ZNF79: variants seen among roughly 807,000 people sequenced by gnomAD.
ZNF79 encodes zinc finger protein 79, also known as ZNFpT7.
In ZNF79, 13 loss-of-function variants were observed where a neutral mutation model predicts 14.9. The ratio of observed to expected loss-of-function variants is 0.87; its 90% CI spans 0.57 to 1.38. The LOEUF is 1.38. Among genes scored for constraint, ZNF79 ranks in the 40% most tolerant of loss-of-function variants. The pLI, the probability that ZNF79 is intolerant of heterozygous loss-of-function variation, is 0.00. For missense variants in ZNF79, 631 were observed against 630.6 expected, an observed-to-expected ratio of 1.00 and a Z score of -0.01; for synonymous variants, 223 against 235.1, an observed-to-expected ratio of 0.95 and a Z score of 0.47.
chr9:127,425,484 C>T (rs1189048162), intron 1 of ZNF79, among the ~76,000 whole-genome samples: 1 of 152,230 alleles, frequency 6.6e-6, no homozygotes, highest in East Asian at 1.9e-4. Flanking sequence ...CTCTGCTGTT[C>T]ACCCCTAGAT....
At chr9:127,435,546 G>C (rs1833932735) in intron 3 of ZNF79, among the ~76,000 whole-genome samples, 1 of 152,138 alleles carries the variant, frequency 6.6e-6, no homozygotes, top group African/African-American at 2.4e-5. Context: ...ACCCCTCCTT[G>C]AGGCTGTTTC....
chr9:127,428,581 G>A (rs369187349), intron 1 of ZNF79: 13 of 981,244 alleles, frequency 1.3e-5, no homozygotes, highest in East Asian at 4.8e-5. Context: ...GAGAGGTTAC[G>A]TGATTTGCAC....
At chr9:127,427,010 T>C (rs1588066547) in intron 1 of ZNF79, among the ~76,000 whole-genome samples, 1 of 152,152 alleles carries the variant, frequency 6.6e-6, no homozygotes, top group South Asian at 2.1e-4. Context: ...TGTTCTCTCA[T>C]TGTGGTTTTC....
rs1564240221 is a variant in ZNF79 at position 127,445,059 on chromosome 9, GT to G, written c.1362del (p.Phe454LeufsTer17). On this transcript the variant is annotated frameshift_variant, in exon 5 of 5. Coordinates refer to ENST00000342483, the MANE Select transcript of ZNF79 (RefSeq NM_007135.3). LOFTEE classifies it high-confidence loss of function. ...ATGAGTGTAATGAGTGTGGTAAAGCGTTTAACCAGAGCTCATCCCTTAGTCA... is the reference window on the plus strand; with the variant it reads ...ATGAGTGTAATGAGTGTGGTAAAGCGTTAACCAGAGCTCATCCCTTAGTCA... ...PYECNECGKA[F>X]NQSSSLSQHQ... The G allele has an allele frequency of 6.2e-7, 1 of 1,612,326 alleles. No individual in the cohort carries two copies. Among genetic ancestry groups the G allele is most frequent in the Non-Finnish European group, 8.5e-7 (1 of 1,179,530 alleles).
rs1833920957 is a variant in ZNF79 at position 127,434,989 on chromosome 9, T to C, written c.106-101T>C. The C allele has an allele frequency of 3.6e-6, 5 of 1,403,292 alleles. No homozygotes were observed. In the Admixed American group the frequency reaches 1.2e-4, roughly 34 times the overall value. The allele number at this position is 1,403,292 out of a possible 1,614,324, so 86.9% of individuals were successfully genotyped here. Reference sequence around the variant, plus strand: ...CAACTACCCAGAGACCTGAATCTTTTCAAAGACTTTTCCAGCTCCCCCAAA... The same window carrying C: ...CAACTACCCAGAGACCTGAATCTTTCCAAAGACTTTTCCAGCTCCCCCAAA... On this transcript the variant is annotated intron_variant, in intron 2 of 4. Coordinates refer to ENST00000342483, the MANE Select transcript of ZNF79 (RefSeq NM_007135.3).
At position 127,424,558 on chromosome 9, in the gene ZNF79, A is replaced by G. The variant is rs1212622035; in HGVS notation, c.-230A>G. 1 of 539,332 alleles carries G rather than the reference A, an allele frequency of 1.9e-6. No homozygotes were observed. The highest frequency in any genetic ancestry group is 3.0e-5 in the East Asian group (1 of 33,168). 33.4% of individuals were successfully genotyped at this position (539,332 alleles called of 1,614,324 possible). ...GGTTCTGCTTGAGGCCGAGCCAAAG[A>G]GTGGCTGTGACTCGGGAGACGGAGT... is the stretch of plus-strand genomic sequence containing the variant. On this transcript the variant is annotated 5_prime_UTR_variant, in exon 1 of 5. Coordinates refer to ENST00000342483, the MANE Select transcript of ZNF79 (RefSeq NM_007135.3).
At position 127,424,382 on chromosome 9, in the gene ZNF79, A is replaced by C. The variant is rs186695489; in HGVS notation, c.-406A>C. On this transcript the variant is annotated 5_prime_UTR_variant, in exon 1 of 5. Transcript: ENST00000342483. ...TGTGCGCATGACCGGAAGTGGCGCCAATCAGGCGCGTCCCTCTGGCGCTGG... is the reference window on the plus strand; with the variant it reads ...TGTGCGCATGACCGGAAGTGGCGCCCATCAGGCGCGTCCCTCTGGCGCTGG... The C allele has an allele frequency of 2.4e-3, 474 of 195,916 alleles. 2 individuals carry two copies. The highest frequency in any genetic ancestry group is 0.01 in the African/African-American group (448 of 42,824). 12.1% of individuals were successfully genotyped at this position (195,916 alleles called of 1,614,324 possible). A position where few individuals can be genotyped will look rare whatever the true frequency, so the allele number is the denominator to read the frequency against.
rs781226485 is a variant in ZNF79, at chr9:127,444,588, G to A, written c.888G>A (p.Gln296=). 6 of 1,614,032 alleles carry A rather than the reference G, an allele frequency of 3.7e-6. No individual in the cohort carries two copies. The Admixed American group carries it at 1.0e-4, about 27-fold the overall frequency. ...FSDCSALVQH[Q]RIHTGEKPYE... The stretch of plus-strand genomic sequence containing the variant: ...ACTGCTCAGCTCTTGTTCAGCATCA[G>A]AGAATTCATACCGGAGAGAAGCCCT... The change falls in exon 5 of 5, where the codon CAG becomes CAA. Residue 296 remains glutamine (Q), a synonymous_variant. Transcript: ENST00000342483.
At chr9:127,443,023 G>A (rs1021225349) in intron 4 of ZNF79, among the ~76,000 whole-genome samples, 3 of 152,204 alleles carry the variant, frequency 2.0e-5, no homozygotes, top group African/African-American at 7.2e-5. Context: ...GCAATAACAA[G>A]CACGAAGCTG....
At chr9:127,427,419 G>A (rs1332551562) in intron 1 of ZNF79, among the ~76,000 whole-genome samples, 33 of 144,052 alleles carry the variant, frequency 2.3e-4, no homozygotes, top group African/African-American at 4.4e-4. Flanking sequence ...GCGAAACTCC[G>A]TCTCAAAAAA....
In ZNF79 at chr9:127,445,339, C is replaced by T; in HGVS notation, c.*142C>T. ...GCAGCCCAGAGCCACATGCAAAACA[C>T]CTTCAATAAACAGCCACTATTTCAC... On this transcript the variant is annotated 3_prime_UTR_variant, in exon 5 of 5. Coordinates refer to ENST00000342483, the MANE Select transcript of ZNF79 (RefSeq NM_007135.3). The T allele has an allele frequency of 1.3e-6, 1 of 791,470 alleles. No individual in the cohort carries two copies. The highest frequency in any genetic ancestry group is 2.0e-6 in the Non-Finnish European group (1 of 505,856). 49.0% of individuals were successfully genotyped at this position (791,470 alleles called of 1,614,324 possible).
intron 4 of ZNF79, 106 bp from the exon 5 acceptor site, chr9:127,443,921 AAG>A (rs1491548621): frequency 1.0e-5 from 9 of 868,660 alleles, no homozygotes; most frequent in South Asian, 2.4e-5. Flanking sequence ...AAAAAAAAAA[AAG>A]GAGATGAGTC....
chr9:127,426,458 T>C (rs1247690927), intron 1 of ZNF79, among the ~76,000 whole-genome samples: 1 of 148,424 alleles, frequency 6.7e-6, no homozygotes, highest in East Asian at 2.1e-4. Flanking sequence ...CACCGCAACC[T>C]CCGCCTCCCG....
At position 127,437,340 on chromosome 9, in the gene ZNF79, C is replaced by CCG. The variant is rs574447424; in HGVS notation, c.328+1338_328+1339insGC. Among the ~76,000 whole-genome samples, 289 of 150,864 alleles carry CCG rather than the reference C, an allele frequency of 1.9e-3. 3 individuals carry two copies. In the East Asian group the frequency reaches 0.04, roughly 21 times the overall value. Reference sequence around the variant, plus strand: ...CCCTGCTGCTTCCTTCTCTCAAGGCCCCCCCCCGCTGCCTGGGCATCTCTG... The same window carrying CCG: ...CCCTGCTGCTTCCTTCTCTCAAGGCCCGCCCCCCCGCTGCCTGGGCATCTCTG... On this transcript the variant is annotated intron_variant, in intron 4 of 4. Coordinates refer to ENST00000342483, the MANE Select transcript of ZNF79 (RefSeq NM_007135.3).
intron 1 of ZNF79, among the ~76,000 whole-genome samples, chr9:127,425,610 T>G (rs1371506593): frequency 1.3e-5 from 2 of 152,190 alleles, no homozygotes; most frequent in Non-Finnish European, 2.9e-5. Flanking sequence ...GTTTTGTTTT[T>G]GAGACAGAGT....
intron 1 of ZNF79, 30 bp downstream of exon 1, chr9:127,424,833 A>G (rs750007948): frequency 2.5e-6 from 4 of 1,613,634 alleles, no homozygotes; most frequent in South Asian, 2.2e-5. Flanking sequence ...GCGATTGTCA[A>G]GAGATCGGCT....
chr9:127,424,580 G>T lies in ZNF79; in HGVS notation c.-208G>T. 3.4e-6 allele frequency: 2 copies of T among 588,352 alleles called. No individual in the cohort carries two copies. Among genetic ancestry groups the T allele is most frequent in the South Asian group, 4.7e-5 (2 of 42,930 alleles). The allele number at this position is 588,352 out of a possible 1,614,324, so 36.4% of individuals were successfully genotyped here. A position where few individuals can be genotyped will look rare whatever the true frequency, so the allele number is the denominator to read the frequency against. On this transcript the variant is annotated 5_prime_UTR_variant, in exon 1 of 5. Transcript: ENST00000342483. ...AAGAGTGGCTGTGACTCGGGAGACG[G>T]AGTGGAACACCCGGCTGGGCAGGCC...
chr9:127,428,083 C>T lies in ZNF79; in HGVS notation c.17-749C>T, dbSNP rs569925261. 3.9e-5 allele frequency among the ~76,000 whole-genome samples: 6 copies of T among 152,196 alleles called. No homozygotes were observed. In the East Asian group the frequency reaches 9.7e-4, roughly 24 times the overall value. ...GCAGCCTCGACCTCCCTGGCTCAAG[C>T]GATCCTCCCACCTCAGTCCCCCAAG... On this transcript the variant is annotated intron_variant, in intron 1 of 4. Coordinates refer to ENST00000342483, the MANE Select transcript of ZNF79 (RefSeq NM_007135.3).
Position 127,435,201 on chromosome 9 carries a change from A to G in ZNF79, c.217A>G (p.Ser73Gly). Residue 73 changes from serine to glycine, a missense_variant, in exon 3 of 5, where the codon AGC becomes GGC. Coordinates refer to ENST00000342483, the MANE Select transcript of ZNF79 (RefSeq NM_007135.3). ...GGAGGGGATACCAGGAAAGTCCAGG[A>G]GCCTTGTCCTACTAGGTAAGGAAAC... is the stretch of plus-strand genomic sequence containing the variant. Reference protein sequence around the residue: ...FKEGIPGKSRSLVLLGLPVSQ... With the variant: ...FKEGIPGKSRGLVLLGLPVSQ... 5.6e-6 allele frequency: 9 copies of G among 1,600,130 alleles called. No individual in the cohort carries two copies. The highest frequency in any genetic ancestry group is 7.7e-6 in the Non-Finnish European group (9 of 1,175,680).
Sources: gnomAD v4.1 joint callset for allele counts (sites outside exome capture counted in the v4.1 genomes callset) on GRCh38, gnomAD v4.1.1 for gene constraint, MANE v1.5 for transcripts, NCBI Gene and HGNC (gene_info 2026-07-23, HGNC 2026-07-21) for gene names.